Variants in NASP observed in about 807,000 individuals in gnomAD.
NASP encodes the protein nuclear autoantigenic sperm protein.
NASP carries 24 observed loss-of-function variants against 89.5 expected under a neutral mutation model. That is an observed-to-expected ratio of 0.27 (90% confidence interval 0.19 to 0.38). The LOEUF (loss-of-function observed/expected upper bound fraction) is 0.38, where lower values mean the gene tolerates loss of function less well. Among genes scored for constraint, NASP ranks in the 10% least tolerant of loss-of-function variants. The pLI, the probability that NASP is intolerant of heterozygous loss-of-function variation, is 1.00. For missense variants in NASP, 848 were observed against 921.4 expected, an observed-to-expected ratio of 0.92 and a Z score of 1.03; for synonymous variants, 306 against 324.7, an observed-to-expected ratio of 0.94 and a Z score of 0.62.
intron 2 of NASP, among the ~76,000 whole-genome samples, chr1:45,602,005 G>A (rs991185453): frequency 2.0e-5 from 3 of 151,984 alleles, no homozygotes; most frequent in African/African-American, 7.3e-5. Flanking sequence ...GCCCGCCTCG[G>A]CCTCCCAAAG....
intron 1 of NASP, among the ~76,000 whole-genome samples, chr1:45,586,280 GT>G (rs1489830595): frequency 7.4e-4 from 34 of 45,686 alleles, no homozygotes; most frequent in East Asian, 1.8e-3. Flanking sequence ...GTGTGTGTGT[GT>G]GTGGTGTGTG....
chr1:45,614,882 G>T, intron 9 of NASP, 131 bp from the exon 10 acceptor site: 1 of 809,382 alleles, frequency 1.2e-6, no homozygotes, highest in Non-Finnish European at 1.9e-6. Flanking sequence ...ATAGCCAAGG[G>T]TCCTGGAAAT....
chr1:45,610,065 G>A (rs1168398894), intron 6 of NASP: 1 of 152,162 alleles, frequency 6.6e-6, no homozygotes, highest in Non-Finnish European at 1.5e-5. Flanking sequence ...TGGACGTGGT[G>A]GCATGCGCCT....
At chr1:45,599,086 C>T (rs775325579) in intron 2 of NASP, among the ~76,000 whole-genome samples, 2 of 152,062 alleles carry the variant, frequency 1.3e-5, no homozygotes, top group Non-Finnish European at 2.9e-5. Context: ...TTTACGGTTT[C>T]TTTCCTTTTT....
In NASP at chr1:45,607,586, T is replaced by C. The variant is rs749835738; in HGVS notation, c.675T>C (p.Ala225=). The change falls in exon 6 of 15, where the codon GCT becomes GCC. Residue 225 remains alanine (A), a synonymous_variant. Coordinates refer to ENST00000350030, the MANE Select transcript of NASP (RefSeq NM_002482.4). ...GGAAPEGPNE[A]EVTSGKPEQE... is the part of the protein sequence containing the mutation. ...CAGCACCAGAAGGACCGAATGAAGC[T>C]GAGGTCACTTCTGGGAAGCCAGAAC... The C allele has an allele frequency of 2.5e-6, 4 of 1,613,804 alleles. No homozygotes were observed. Among genetic ancestry groups the C allele is most frequent in the Non-Finnish European group, 3.4e-6 (4 of 1,179,898 alleles).
At position 45,614,277 on chromosome 1, in the gene NASP, A is replaced by G. The variant is rs374457774; in HGVS notation, c.1593-16A>G. On this transcript the variant is annotated splice_polypyrimidine_tract_variant and intron_variant, in intron 8 of 14. Coordinates refer to ENST00000350030, the MANE Select transcript of NASP (RefSeq NM_002482.4). ...CAGGTACTGTTAAGGTTTTTGATCA[A>G]TTTTCCTTCTTTTAGGCAAGAAACA... 1.6e-5 allele frequency: 25 copies of G among 1,612,684 alleles called. No homozygotes were observed. The African/African-American group carries it at 3.3e-4, about 22-fold the overall frequency.
intron 2 of NASP, among the ~76,000 whole-genome samples, chr1:45,595,621 T>C (rs1032212887): frequency 6.6e-6 from 1 of 152,238 alleles, no homozygotes; most frequent in African/African-American, 2.4e-5. Flanking sequence ...GACTGCCTTT[T>C]TGACCACTGG....
intron 1 of NASP, chr1:45,588,563 T>TG (rs1337253450): frequency 2.3e-6 from 1 of 435,468 alleles, no homozygotes; most frequent in African/African-American, 2.1e-5. Flanking sequence ...TAGCAATGTA[T>TG]GGGAGTACAA....
Position 45,606,557 on chromosome 1 carries a change from T to C in NASP, c.375T>C (p.Asp125=), listed in dbSNP as rs766057113. Residue 125 remains aspartate, a synonymous_variant, in exon 5 of 15, where the codon GAT becomes GAC. Coordinates refer to ENST00000350030, the MANE Select transcript of NASP (RefSeq NM_002482.4). ...AGGAAGAAGGAGAAAAAACAGAAGA[T>C]GAATCTCTGGTAGAAAATAATGATA... ...VEEEEGEKTE[D]ESLVENNDNI... 2 of 1,612,764 alleles carry C rather than the reference T, an allele frequency of 1.2e-6. No individual in the cohort carries two copies. Among genetic ancestry groups the C allele is most frequent in the South Asian group, 2.2e-5 (2 of 91,052 alleles).
chr1:45,586,771 C>T (rs539023939), intron 1 of NASP, among the ~76,000 whole-genome samples: 3 of 152,036 alleles, frequency 2.0e-5, no homozygotes, highest in Non-Finnish European at 1.5e-5. Flanking sequence ...TAAGAATGTA[C>T]ATTATAATTC....
rs753758740 is a variant in NASP, at chr1:45,613,150, G to A, written c.1427-19G>A. ...CGTTCTTAGTTATATTCTCAATACT[G>A]AGGAATTTTTACTTGTAGAAACTGA... On this transcript the variant is annotated intron_variant, in intron 6 of 14. Transcript: ENST00000350030. The A allele has an allele frequency of 2.5e-6, 4 of 1,599,146 alleles. No homozygotes were observed. In the East Asian group the frequency reaches 6.7e-5, roughly 27 times the overall value.
intron 9 of NASP, among the ~76,000 whole-genome samples, chr1:45,614,727 C>T (rs887420380): frequency 3.3e-5 from 5 of 152,012 alleles, no homozygotes; most frequent in Middle Eastern, 3.4e-3. Flanking sequence ...TTAGTAGAGA[C>T]GGGGTTTCAC....
chr1:45,607,038 G>A (rs1372070694), intron 5 of NASP, among the ~76,000 whole-genome samples: 1 of 152,122 alleles, frequency 6.6e-6, no homozygotes, highest in Non-Finnish European at 1.5e-5. Flanking sequence ...CATATCAGAT[G>A]GGGGAGAATG....
At chr1:45,603,251 G>T (rs1643873585) in intron 3 of NASP, among the ~76,000 whole-genome samples, 1 of 152,190 alleles carries the variant, frequency 6.6e-6, no homozygotes, top group African/African-American at 2.4e-5. Flanking sequence ...CAGGCTTTTG[G>T]TCTATGGCGA....
chr1:45,615,789 A>G (rs965848079), intron 11 of NASP: 7 of 241,706 alleles, frequency 2.9e-5, no homozygotes, highest in Non-Finnish European at 5.6e-5. Flanking sequence ...ATGCTTTTGG[A>G]TTTTGGAATA....
At chr1:45,615,825 A>C in intron 11 of NASP, 1 of 213,558 alleles carries the variant, frequency 4.7e-6, no homozygotes, top group Non-Finnish European at 9.3e-6. Context: ...ACAGTTGGAT[A>C]CCCTTAATCT....
intron 6 of NASP, chr1:45,609,373 C>T (rs2148362729): frequency 6.6e-6 from 1 of 152,246 alleles, no homozygotes; most frequent in East Asian, 1.9e-4. Context: ...TGTGCAGGTC[C>T]CTGTACTCCA....
rs773065705 is a variant in NASP at position 45,617,606 on chromosome 1, A to G, written c.2286+15A>G. ...TGGAGGAGGAGGTGGGCAGTTAAGCAGGGCTTAGCCTCTTGCCTCATTCCT... is the reference window on the plus strand; with the variant it reads ...TGGAGGAGGAGGTGGGCAGTTAAGCGGGGCTTAGCCTCTTGCCTCATTCCT... On this transcript the variant is annotated intron_variant, in intron 14 of 14. Coordinates refer to ENST00000350030, the MANE Select transcript of NASP (RefSeq NM_002482.4). 4 of 1,571,516 alleles carry G rather than the reference A, an allele frequency of 2.5e-6. No homozygotes were observed. The South Asian group carries it at 4.8e-5, about 19-fold the overall frequency.
chr1:45,617,556 A>C lies in NASP; in HGVS notation c.2251A>C (p.Ser751Arg). The C allele has an allele frequency of 6.2e-7, 1 of 1,600,886 alleles. No homozygotes were observed. Among genetic ancestry groups the C allele is most frequent in the Non-Finnish European group, 8.5e-7 (1 of 1,176,038 alleles). The change falls in exon 14 of 15, where the codon AGT (serine) becomes CGT (arginine). Residue 751 changes from serine to arginine, a missense_variant. Ser to Arg is a moderately radical substitution (Grantham distance 110). Coordinates refer to ENST00000350030, the MANE Select transcript of NASP (RefSeq NM_002482.4). ...VNGGSGDAVPSGNEVSENMEE... is the reference protein window; with the variant it reads ...VNGGSGDAVPRGNEVSENMEE... Reference sequence around the variant, plus strand: ...CGGAGGCAGTGGGGATGCTGTCCCCAGTGGAAATGAAGTTTCGGAAAACAT... The same window carrying C: ...CGGAGGCAGTGGGGATGCTGTCCCCCGTGGAAATGAAGTTTCGGAAAACAT...
Sources: allele counts gnomAD v4.1 joint callset (sites outside exome capture counted in the v4.1 genomes callset), GRCh38; gene constraint gnomAD v4.1.1; transcripts MANE v1.5; gene names NCBI Gene and HGNC (gene_info 2026-07-23, HGNC 2026-07-21).